The following PTGIS variants were observed in gnomAD, a reference collection of about 807,000 sequenced individuals.
PTGIS encodes prostacyclin synthase.
PTGIS carries 45 observed loss-of-function variants against 50.3 expected under a neutral mutation model. That is an observed-to-expected ratio of 0.90 (90% CI 0.70 to 1.15). The LOEUF (loss-of-function observed/expected upper bound fraction) is 1.15, where lower values mean the gene tolerates loss of function less well. Among genes scored for constraint, PTGIS ranks in the 50% most tolerant of loss-of-function variants. The pLI is 0.00. For missense variants in PTGIS, 668 were observed against 661.3 expected (o/e 1.01, Z -0.11); for synonymous variants, 260 against 267.7 (o/e 0.97, Z 0.28).
At chr20:49,522,457 G>A (rs753311263) in intron 6 of PTGIS, among the ~76,000 whole-genome samples, 1 of 151,388 alleles carries the variant, frequency 6.6e-6, no homozygotes, top group South Asian at 2.1e-4. Flanking sequence ...AATGGTAATC[G>A]ACACAACACA....
At position 49,539,646 on chromosome 20, in the gene PTGIS, GT is replaced by G. The variant is rs1982172846; in HGVS notation, c.596del (p.His199ProfsTer137). 1.8e-5 allele frequency: 29 copies of G among 1,614,016 alleles called. No homozygotes were observed. The highest frequency in any genetic ancestry group is 2.4e-5 in the Non-Finnish European group (28 of 1,180,000). ...THESQAQDRV[H>X]SADVFHTFRQ... ...GAAAGGTGTGGAAGACATCAGCTGA[GT>G]GGACGCGGTCCTGGGCCTGGCTTTC... On this transcript the variant is annotated frameshift_variant, in exon 5 of 10. Coordinates refer to ENST00000244043, the MANE Select transcript of PTGIS (RefSeq NM_000961.4). LOFTEE classifies it high-confidence loss of function.
At chr20:49,544,200 T>C in intron 4 of PTGIS, 105 bp downstream of exon 4, 1 of 1,484,308 alleles carries the variant, frequency 6.7e-7, no homozygotes. Flanking sequence ...CTCAAATTGC[T>C]TCCCCCACCC....
chr20:49,561,513 A>G (rs1982775408), intron 1 of PTGIS, among the ~76,000 whole-genome samples: 1 of 152,212 alleles, frequency 6.6e-6, no homozygotes, highest in Non-Finnish European at 1.5e-5. Context: ...GTGCTGCCCA[A>G]GTAGCCTTGG....
intron 1 of PTGIS, among the ~76,000 whole-genome samples, chr20:49,563,923 T>C (rs368916991): frequency 6.6e-6 from 1 of 152,200 alleles, no homozygotes; most frequent in East Asian, 1.9e-4. Flanking sequence ...CCTGGTGATA[T>C]GGCTGGGGCT....
intron 1 of PTGIS, among the ~76,000 whole-genome samples, chr20:49,554,507 C>A (rs1818441729): frequency 6.6e-6 from 1 of 152,196 alleles, no homozygotes. Context: ...CCTGCTAAAT[C>A]TTAAACACTG....
intron 5 of PTGIS, among the ~76,000 whole-genome samples, chr20:49,532,937 A>C: frequency 6.6e-6 from 1 of 152,286 alleles, no homozygotes; most frequent in African/African-American, 2.4e-5. Flanking sequence ...CATTCTCTCC[A>C]TTATTACGAG....
At chr20:49,518,408 G>C (rs573465976) in intron 6 of PTGIS, among the ~76,000 whole-genome samples, 6 of 152,238 alleles carry the variant, frequency 3.9e-5, no homozygotes, top group African/African-American at 1.4e-4. Context: ...AAAGCCCTAA[G>C]TGCAATGTGG....
Position 49,513,248 on chromosome 20 carries a change from A to C in PTGIS, c.1038T>G (p.Ser346Arg), listed in dbSNP as rs1303955048. The part of the protein sequence containing the change: ...DSTPVLDSVL[S>R]ESLRLTAAPF... The stretch of plus-strand genomic sequence containing the variant: ...GGGCAGCTGTAAGCCTGAGGCTCTC[A>C]CTCAGCACGCTATCTGCATGGGGCA... The change falls in exon 8 of 10, where the codon AGT (serine) becomes AGG (arginine). Residue 346 changes from serine (S) to arginine (R), a missense_variant. Coordinates refer to ENST00000244043, the MANE Select transcript of PTGIS (RefSeq NM_000961.4). 5.6e-6 allele frequency: 9 copies of C among 1,613,466 alleles called. No homozygotes were observed. The highest frequency in any genetic ancestry group is 1.7e-5 in the Admixed American group (1 of 59,996).
At chr20:49,559,133 G>T (rs1371473495) in intron 1 of PTGIS, among the ~76,000 whole-genome samples, 5 of 152,174 alleles carry the variant, frequency 3.3e-5, no homozygotes, top group Admixed American at 2.0e-4. Flanking sequence ...GAAACATCCT[G>T]CTGTCCCGAT....
intron 1 of PTGIS, among the ~76,000 whole-genome samples, chr20:49,566,543 A>G (rs1430560861): frequency 6.6e-6 from 1 of 152,252 alleles, no homozygotes; most frequent in Non-Finnish European, 1.5e-5. Flanking sequence ...TTTCAGCTGA[A>G]AAGATGTCTG....
In PTGIS at chr20:49,539,465, A is replaced by G. The variant is rs1982165995; in HGVS notation, c.673+105T>C. 5.3e-6 allele frequency: 7 copies of G among 1,322,230 alleles called. 1 individual carries two copies. The Admixed American group carries it at 8.5e-5, about 16-fold the overall frequency. 81.9% of individuals were successfully genotyped at this position (1,322,230 alleles called of 1,614,324 possible). On this transcript the variant is annotated intron_variant, in intron 5 of 9. Transcript: ENST00000244043. ...ATCTTACTGCCTCCCTGGGCATTGG[A>G]TGTCTTTCTGCCTGTGTTGCCTCTG...
At chr20:49,523,763 A>G (rs1981716814) in intron 6 of PTGIS, among the ~76,000 whole-genome samples, 1 of 152,196 alleles carries the variant, frequency 6.6e-6, no homozygotes, top group Non-Finnish European at 1.5e-5. Flanking sequence ...TGGGCAACAG[A>G]GCGAGACTCT....
At chr20:49,527,593 A>G (rs1173433295) in intron 5 of PTGIS, among the ~76,000 whole-genome samples, 2 of 152,176 alleles carry the variant, frequency 1.3e-5, no homozygotes, top group East Asian at 3.8e-4. Context: ...TCGGGCTGGG[A>G]GGAAAGGCAG....
At chr20:49,520,042 G>A (rs558376631) in intron 6 of PTGIS, among the ~76,000 whole-genome samples, 114 of 151,648 alleles carry the variant, frequency 7.5e-4, no homozygotes, top group African/African-American at 2.7e-3. Context: ...TTCTTCCTCT[G>A]CTCAGAGCCC....
intron 6 of PTGIS, among the ~76,000 whole-genome samples, chr20:49,515,592 T>A (rs138104368): frequency 1.1e-4 from 16 of 152,326 alleles, no homozygotes; most frequent in African/African-American, 3.8e-4. Flanking sequence ...TAATTACACA[T>A]GGGCAAAAGG....
intron 5 of PTGIS, among the ~76,000 whole-genome samples, chr20:49,528,606 C>T (rs1981852052): frequency 6.6e-6 from 1 of 151,998 alleles, no homozygotes; most frequent in African/African-American, 2.4e-5. Context: ...GACAACAGAG[C>T]AAGCAAGACT....
rs1246412201 is a variant in PTGIS, at chr20:49,507,745, T to G, written c.*175A>C. ...CATAGAGCTTTCAATGTCTTTTCTT[T>G]GTTCACCCTCTTAGCTTTTCCCTCC... On this transcript the variant is annotated 3_prime_UTR_variant, in exon 10 of 10. Coordinates refer to ENST00000244043, the MANE Select transcript of PTGIS (RefSeq NM_000961.4). The G allele has an allele frequency of 1.2e-6, 1 of 842,980 alleles. No homozygotes were observed. The highest frequency in any genetic ancestry group is 1.7e-5 in the African/African-American group (1 of 59,072). The allele number at this position is 842,980 out of a possible 1,614,324, so 52.2% of individuals were successfully genotyped here.
At chr20:49,539,070 A>T (rs927469802) in intron 5 of PTGIS, among the ~76,000 whole-genome samples, 6 of 152,162 alleles carry the variant, frequency 3.9e-5, no homozygotes, top group Non-Finnish European at 7.3e-5. Context: ...AAATAAAATA[A>T]AAATAAAAAT....
rs1982403150 is a variant in PTGIS at position 49,547,868 on chromosome 20, G to A, written c.350C>T (p.Pro117Leu). 6.2e-7 allele frequency: 1 copy of A among 1,613,942 alleles called. No homozygotes were observed. The highest frequency in any genetic ancestry group is 8.5e-7 in the Non-Finnish European group (1 of 1,180,032). Reference protein sequence around the residue: ...IFDVQLPHYSPSDEKARMKLT... With the variant: ...IFDVQLPHYSLSDEKARMKLT... The stretch of plus-strand genomic sequence containing the variant: ...TTTCATCCTGGCCTTTTCATCACTG[G>A]GGCTGTAATGTGGAAGCTGCACATC... Residue 117 changes from proline (P) to leucine (L), a missense_variant, in exon 3 of 10, where the codon CCC becomes CTC. Transcript: ENST00000244043.
Sources: allele counts gnomAD v4.1 joint callset (sites outside exome capture counted in the v4.1 genomes callset), GRCh38; gene constraint gnomAD v4.1.1; transcripts MANE v1.5; gene names NCBI Gene and HGNC (gene_info 2026-07-23, HGNC 2026-07-21).